Variants in FBXL17 observed in about 807,000 individuals in gnomAD.
FBXL17 encodes F-box/LRR-repeat protein 17.
FBXL17 carries 22 observed loss-of-function variants against 66.2 expected under a neutral mutation model. That is an observed-to-expected ratio of 0.33 (90% CI 0.24 to 0.47). FBXL17 has a LOEUF of 0.47. Ranked by LOEUF, FBXL17 falls within the 20% of genes least tolerant of loss-of-function variation. The pLI, the probability that FBXL17 is intolerant of heterozygous loss-of-function variation, is 1.00. For synonymous variants in FBXL17, 474 were observed against 400.5 expected (o/e 1.18, Z -2.19); for missense variants, 878 against 948.2 (o/e 0.93, Z 0.97).
At chr5:108,170,043 C>T (rs1337213298) in intron 6 of FBXL17, among the ~76,000 whole-genome samples, 3 of 152,036 alleles carry the variant, frequency 2.0e-5, no homozygotes, top group African/African-American at 7.2e-5. Flanking sequence ...CCCTTCTTTC[C>T]CCAAACATAA....
Position 108,226,310 on chromosome 5 carries a change from T to C in FBXL17, c.1507-2082A>G, listed in dbSNP as rs76018261. Among the ~76,000 whole-genome samples the C allele has an allele frequency of 3.3e-3, 500 of 152,326 alleles. 3 individuals carry two copies. The highest frequency in any genetic ancestry group is 0.012 in the African/African-American group (485 of 41,580). ...ACCTAGAATAATCCCTGGCACTTAG[T>C]AGAAAATATTGAAATAAATAAATGA... On this transcript the variant is annotated intron_variant, in intron 4 of 8. Transcript: ENST00000542267.
At chr5:107,933,365 C>T (rs1750796084) in intron 7 of FBXL17, among the ~76,000 whole-genome samples, 1 of 152,138 alleles carries the variant, frequency 6.6e-6, no homozygotes, top group Non-Finnish European at 1.5e-5. Flanking sequence ...CAAATATTTT[C>T]TATTTACTTA....
intron 6 of FBXL17, among the ~76,000 whole-genome samples, chr5:108,166,319 G>A (rs934975199): frequency 6.6e-6 from 1 of 152,140 alleles, no homozygotes; most frequent in African/African-American, 2.4e-5. Context: ...AGCACCTGCC[G>A]GTGTCTTACC....
chr5:108,121,417 C>T (rs1750492944), intron 6 of FBXL17, among the ~76,000 whole-genome samples: 1 of 152,034 alleles, frequency 6.6e-6, no homozygotes, highest in Admixed American at 6.5e-5. Context: ...ATATGCTCTA[C>T]ACACAAAGTC....
intron 7 of FBXL17, among the ~76,000 whole-genome samples, chr5:107,889,003 A>G (rs61464466): frequency 0.025 from 3,747 of 152,112 alleles, 155 homozygotes; most frequent in African/African-American, 0.086. Context: ...GGTACTTGGT[A>G]ATGTGTCTCT....
intron 4 of FBXL17, among the ~76,000 whole-genome samples, chr5:108,332,063 A>T (rs2150239188): frequency 6.6e-6 from 1 of 152,334 alleles, no homozygotes; most frequent in South Asian, 2.1e-4. Flanking sequence ...TAATGTACTG[A>T]TCAGACATAT....
At chr5:108,141,718 C>A (rs1645630779) in intron 6 of FBXL17, among the ~76,000 whole-genome samples, 1 of 152,168 alleles carries the variant, frequency 6.6e-6, no homozygotes. Context: ...CCCACCTGAA[C>A]CTGTTTGCTT....
At chr5:108,349,021 G>A (rs544442550) in intron 3 of FBXL17, among the ~76,000 whole-genome samples, 1 of 152,204 alleles carries the variant, frequency 6.6e-6, no homozygotes, top group East Asian at 1.9e-4. Context: ...ACCCAGACTA[G>A]TCTCAAACTC....
At chr5:108,198,295 T>A (rs977795948) in intron 5 of FBXL17, among the ~76,000 whole-genome samples, 13 of 152,090 alleles carry the variant, frequency 8.5e-5, no homozygotes, top group Non-Finnish European at 1.8e-4. Flanking sequence ...GTATACATAA[T>A]TCTCCCCCAA....
At chr5:108,159,340 G>A (rs1184534730) in intron 6 of FBXL17, among the ~76,000 whole-genome samples, 2 of 152,152 alleles carry the variant, frequency 1.3e-5, no homozygotes, top group Non-Finnish European at 2.9e-5. Flanking sequence ...TTGATAGTGT[G>A]ATACAACCTG....
intron 6 of FBXL17, among the ~76,000 whole-genome samples, chr5:108,055,337 G>A (rs1469128461): frequency 5.9e-5 from 8 of 135,424 alleles, no homozygotes; most frequent in Non-Finnish European, 1.2e-4. Context: ...GGCCGGGCAC[G>A]GTGGCTCATG....
At chr5:108,157,355 C>T (rs573946952) in intron 6 of FBXL17, among the ~76,000 whole-genome samples, 1 of 151,888 alleles carries the variant, frequency 6.6e-6, no homozygotes, top group South Asian at 2.1e-4. Context: ...GAACAAATGT[C>T]CTAAAATTCT....
rs373084565 is a variant in FBXL17 at position 108,110,902 on chromosome 5, T to C, written c.1745+75215A>G. ...CTTCTAAAGAGTGGTTAAACTAAAA[T>C]ATCATAATAATTATTAAACTAGGTA... On this transcript the variant is annotated intron_variant, in intron 6 of 8. Coordinates refer to ENST00000542267, the MANE Select transcript of FBXL17 (RefSeq NM_001163315.3). Among the ~76,000 whole-genome samples, 19 of 152,122 alleles carry C rather than the reference T, an allele frequency of 1.2e-4. No homozygotes were observed. In the East Asian group the frequency reaches 1.5e-3, roughly 12 times the overall value.
At chr5:107,969,153 G>A (rs894446605) in intron 7 of FBXL17, among the ~76,000 whole-genome samples, 12 of 152,182 alleles carry the variant, frequency 7.9e-5, no homozygotes, top group Admixed American at 2.0e-4. Context: ...TAGGTGGCCC[G>A]GAAAACTTAA....
intron 4 of FBXL17, among the ~76,000 whole-genome samples, chr5:108,314,525 T>G (rs7708996): frequency 0.48 from 71,876 of 151,172 alleles, 17,197 homozygotes; most frequent in Middle Eastern, 0.5. Context: ...TTTATTCACT[T>G]TAACTCTAAA....
In FBXL17 at chr5:108,184,186, C is replaced by A. The variant is rs992811723; in HGVS notation, c.1745+1931G>T. On this transcript the variant is annotated intron_variant, in intron 6 of 8. Transcript: ENST00000542267. The stretch of plus-strand genomic sequence containing the variant: ...CTATAATCCCAGCACTTTGGGAGAT[C>A]GAGGCGGCGGGGCGGGGGATCACTT... 5.9e-5 allele frequency among the ~76,000 whole-genome samples: 9 copies of A among 152,204 alleles called. No individual in the cohort carries two copies. In the South Asian group the frequency reaches 1.7e-3, roughly 28 times the overall value.
intron 7 of FBXL17, among the ~76,000 whole-genome samples, chr5:107,906,734 G>A (rs974167609): frequency 2.8e-4 from 43 of 152,224 alleles, no homozygotes; most frequent in African/African-American, 1.0e-3. Flanking sequence ...GCTAATAACT[G>A]CAAATTGTTA....
intron 6 of FBXL17, among the ~76,000 whole-genome samples, chr5:108,148,768 A>T (rs1751655994): frequency 1.3e-5 from 2 of 152,204 alleles, no homozygotes; most frequent in Admixed American, 6.5e-5. Context: ...AGGACACATC[A>T]GGCCAAGTGA....
intron 4 of FBXL17, among the ~76,000 whole-genome samples, chr5:108,259,825 G>T (rs1756734946): frequency 6.6e-6 from 1 of 152,060 alleles, no homozygotes; most frequent in South Asian, 2.1e-4. Context: ...GCAAGCAATA[G>T]ATTATTATTT....
Sources: gnomAD v4.1 joint callset for allele counts (sites outside exome capture counted in the v4.1 genomes callset) on GRCh38, gnomAD v4.1.1 for gene constraint, MANE v1.5 for transcripts, NCBI Gene and HGNC (gene_info 2026-07-23, HGNC 2026-07-21) for gene names.